Variants in CCDC171 observed in about 807,000 individuals in gnomAD.
The protein encoded by CCDC171 is coiled-coil domain containing 171.
CCDC171 carries 177 observed loss-of-function variants against 168.2 expected under a neutral mutation model. The observed-to-expected ratio is 1.05, with a 90% CI of 0.93 to 1.19. The LOEUF (loss-of-function observed/expected upper bound fraction) is 1.19, where lower values mean the gene tolerates loss of function less well. Among genes scored for constraint, CCDC171 ranks in the 50% most tolerant of loss-of-function variants. The pLI is 0.00. For synonymous variants in CCDC171, 687 were observed against 540.8 expected (o/e 1.27, Z -3.75); for missense variants, 1,991 against 1,539.0 (o/e 1.29, Z -4.91).
intron 25 of CCDC171, among the ~76,000 whole-genome samples, chr9:15,936,987 C>T (rs1431253190): frequency 1.3e-5 from 2 of 151,926 alleles, no homozygotes; most frequent in African/African-American, 4.8e-5. Context: ...CATTAGTGGA[C>T]ATTAAAGGGA....
At chr9:15,982,796 G>T (rs566081314) in intron 3 of CCDC171, among the ~76,000 whole-genome samples, 3 of 152,024 alleles carry the variant, frequency 2.0e-5, no homozygotes, top group African/African-American at 7.2e-5. Flanking sequence ...GAGTCTTCAC[G>T]ATTCATTTCC....
At chr9:15,967,834 G>A (rs960205746) in intron 25 of CCDC171, among the ~76,000 whole-genome samples, 2 of 152,118 alleles carry the variant, frequency 1.3e-5, no homozygotes, top group Non-Finnish European at 2.9e-5. Flanking sequence ...AATTCTAGAA[G>A]ACTTAACTTG....
In CCDC171 at chr9:15,744,489, C is replaced by G. The variant is rs370865590; in HGVS notation, c.2266C>G (p.Gln756Glu). 5 of 1,614,058 alleles carry G rather than the reference C, an allele frequency of 3.1e-6. No homozygotes were observed. The African/African-American group carries it at 6.7e-5, about 22-fold the overall frequency. Residue 756 changes from glutamine to glutamate, a missense_variant, in exon 17 of 26, where the codon CAG becomes GAG. By Grantham distance (29) the Gln-to-Glu change is conservative (BLOSUM62 2). Transcript: ENST00000380701. ...CTTGTCTACACAGAGAGATTTTCTC[C>G]AGGAGCAGGTCAACACCTTTGAGTT... ...CALSTQRDFLQEQVNTFELFK... is the reference protein window; with the variant it reads ...CALSTQRDFLEEQVNTFELFK...
At chr9:15,703,307 GTCTT>G (rs1291598188) in intron 11 of CCDC171, among the ~76,000 whole-genome samples, 1 of 152,178 alleles carries the variant, frequency 6.6e-6, no homozygotes, top group Non-Finnish European at 1.5e-5. Context: ...AAGGCTGGTT[GTCTT>G]TCTTATCATT....
intron 2 of CCDC171, among the ~76,000 whole-genome samples, chr9:15,571,150 C>T (rs866282085): frequency 6.6e-6 from 1 of 152,180 alleles, no homozygotes; most frequent in African/African-American, 2.4e-5. Flanking sequence ...TTTGTGTTCT[C>T]TCTCTTGTGA....
Position 15,623,323 on chromosome 9 carries a change from A to G in CCDC171, c.732A>G (p.Glu244=), listed in dbSNP as rs759834009. The G allele has an allele frequency of 6.2e-7, 1 of 1,606,472 alleles. No individual in the cohort carries two copies. The highest frequency in any genetic ancestry group is 1.1e-5 in the South Asian group (1 of 89,862). Residue 244 remains glutamate (E), a synonymous_variant, in exon 7 of 26, where the codon GAA becomes GAG. Transcript: ENST00000380701. ...AGAAAGTAGAAAAATTAGAAACAGA[A>G]CATATGGACTGCTCTGACCTTTTAC... is the stretch of plus-strand genomic sequence containing the variant. The part of the protein sequence containing the change: ...MHKKVEKLET[E]HMDCSDLLRR...
chr9:15,569,855 A>AAC (rs1563957763), intron 2 of CCDC171, among the ~76,000 whole-genome samples: 1 of 150,980 alleles, frequency 6.6e-6, no homozygotes, highest in African/African-American at 2.4e-5. Context: ...ACAAAAAAAA[A>AAC]ATTTCTATTT....
intron 22 of CCDC171, among the ~76,000 whole-genome samples, chr9:15,848,033 A>G (rs2130769840): frequency 6.6e-6 from 1 of 152,114 alleles, no homozygotes; most frequent in Admixed American, 6.6e-5. Context: ...CATCATGTCA[A>G]ATGAGAGGCT....
At chr9:16,010,881 G>T (rs967527943) in intron 3 of CCDC171, among the ~76,000 whole-genome samples, 1 of 151,742 alleles carries the variant, frequency 6.6e-6, no homozygotes, top group African/African-American at 2.4e-5. Context: ...ATGAGAAGAG[G>T]GCATTAGGAT....
intron 18 of CCDC171, among the ~76,000 whole-genome samples, chr9:15,772,287 A>G (rs1036625392): frequency 2.0e-5 from 3 of 152,042 alleles, no homozygotes; most frequent in African/African-American, 7.2e-5. Context: ...TAGTACCAGT[A>G]TCATACTGCG....
chr9:16,038,866 C>G (rs374327977), upstream of CCDC171, among the ~76,000 whole-genome samples: 3 of 50,430 alleles, frequency 5.9e-5, no homozygotes, highest in African/African-American at 7.7e-5. Flanking sequence ...CCTATCAGGC[C>G]AAAAAAAAAA....
chr9:15,795,219 A>G (rs765273636), intron 21 of CCDC171, among the ~76,000 whole-genome samples: 1 of 152,288 alleles, frequency 6.6e-6, no homozygotes, highest in Non-Finnish European at 1.5e-5. Context: ...GAAGTAGGGA[A>G]GGGGGCCAAA....
At chr9:15,626,501 T>A (rs905156233) in intron 7 of CCDC171, among the ~76,000 whole-genome samples, 1 of 152,218 alleles carries the variant, frequency 6.6e-6, no homozygotes, top group Admixed American at 6.5e-5. Context: ...AATACCTAGT[T>A]TATTGAGAGT....
At chr9:16,008,631 T>C (rs1489557234) in intron 3 of CCDC171, among the ~76,000 whole-genome samples, 4 of 152,210 alleles carry the variant, frequency 2.6e-5, no homozygotes, top group Non-Finnish European at 5.9e-5. Flanking sequence ...TGCCATTTTG[T>C]AATTCTTTCT....
chr9:15,893,615 C>A (rs549432074), intron 24 of CCDC171, among the ~76,000 whole-genome samples: 1 of 152,186 alleles, frequency 6.6e-6, no homozygotes, highest in African/African-American at 2.4e-5. Flanking sequence ...AAAAAGTGGG[C>A]AAAGAACATG....
intron 8 of CCDC171, among the ~76,000 whole-genome samples, chr9:15,657,823 T>C (rs1454758552): frequency 6.6e-6 from 1 of 152,164 alleles, no homozygotes; most frequent in Non-Finnish European, 1.5e-5. Context: ...AATGGAGGCC[T>C]CCTAAGGAAA....
chr9:16,076,917 C>A, the CCDC171 span, among the ~76,000 whole-genome samples: 6 of 152,326 alleles, frequency 3.9e-5, no homozygotes, highest in Non-Finnish European at 8.8e-5. Flanking sequence ...AAATGCTACT[C>A]TCGCTCAACA....
At chr9:16,059,026 C>T (rs1381110818) in intron 1 of CCDC171, among the ~76,000 whole-genome samples, 3 of 152,138 alleles carry the variant, frequency 2.0e-5, no homozygotes, top group Non-Finnish European at 4.4e-5. Flanking sequence ...TTCCCACAAA[C>T]ATGGAAGCAA....
At chr9:15,843,364 A>C (rs1563853522) in intron 21 of CCDC171, among the ~76,000 whole-genome samples, 1 of 152,074 alleles carries the variant, frequency 6.6e-6, no homozygotes, top group South Asian at 2.1e-4. Context: ...TGCTCTTTAA[A>C]AGACTCTTGT....
Sources: gnomAD v4.1 joint callset for allele counts (sites outside exome capture counted in the v4.1 genomes callset) on GRCh38, gnomAD v4.1.1 for gene constraint, MANE v1.5 for transcripts, NCBI Gene and HGNC (gene_info 2026-07-23, HGNC 2026-07-21) for gene names.